PINK1: variants seen among roughly 807,000 people sequenced by gnomAD.
PINK1 encodes the protein serine/threonine-protein kinase PINK1, mitochondrial.
Under a neutral mutation model 56.0 loss-of-function variants are expected in PINK1, and 58 were observed. The observed-to-expected ratio is 1.04, with a 90% CI of 0.84 to 1.29. The LOEUF (loss-of-function observed/expected upper bound fraction) is 1.29. Among genes scored for constraint, PINK1 ranks in the 50% most tolerant of loss-of-function variants. PINK1 has a pLI of 0.00. For missense variants in PINK1, 745 were observed against 777.9 expected (o/e 0.96, Z 0.50); for synonymous variants, 354 against 339.3 (o/e 1.04, Z -0.48).
At position 20,638,074 on chromosome 1, in the gene PINK1, G is replaced by T; in HGVS notation, c.620G>T (p.Arg207Leu). ...GTSAPGEGQE[R>L]APGAPAFPLA... Reference sequence around the variant, plus strand: ...AGTGCACCAGGAGAAGGGCAGGAGCGAGCTCCGGGGGCCCCTGCCTTCCCC... The same window carrying T: ...AGTGCACCAGGAGAAGGGCAGGAGCTAGCTCCGGGGGCCCCTGCCTTCCCC... Residue 207 changes from arginine to leucine, a missense_variant, in exon 2 of 8, where the codon CGA becomes CTA. Coordinates refer to ENST00000321556, the MANE Select transcript of PINK1 (RefSeq NM_032409.3). 6.2e-7 allele frequency: 1 copy of T among 1,614,038 alleles called. No homozygotes were observed. The highest frequency in any genetic ancestry group is 8.5e-7 in the Non-Finnish European group (1 of 1,180,012).
chr1:20,634,912 T>C (rs1325080869), intron 1 of PINK1, among the ~76,000 whole-genome samples: 2 of 152,244 alleles, frequency 1.3e-5, no homozygotes, highest in Non-Finnish European at 2.9e-5. Context: ...CTGGGTTTCC[T>C]GGTTTCCATC....
chr1:20,638,005 T>C lies in PINK1; in HGVS notation c.551T>C (p.Val184Ala). Residue 184 changes from valine (V) to alanine (A), a missense_variant, in exon 2 of 8, where the codon GTG (valine) becomes GCG (alanine). By Grantham distance (64) the Val-to-Ala change is moderately conservative. Transcript: ENST00000321556. Reference protein sequence around the residue: ...TMPTLPQNLEVTKSTGLLPGR... With the variant: ...TMPTLPQNLEATKSTGLLPGR... Reference sequence around the variant, plus strand: ...CCTACATTGCCCCAGAACCTGGAGGTGACAAAGAGCACCGGGTTGCTTCCA... The same window carrying C: ...CCTACATTGCCCCAGAACCTGGAGGCGACAAAGAGCACCGGGTTGCTTCCA... 1 of 1,613,844 alleles carries C rather than the reference T, an allele frequency of 6.2e-7. No individual in the cohort carries two copies. The highest frequency in any genetic ancestry group is 8.5e-7 in the Non-Finnish European group (1 of 1,179,946).
At chr1:20,644,247 T>TGGGTGTACGGATGGAC (rs1553146409) in intron 3 of PINK1, among the ~76,000 whole-genome samples, 1 of 152,126 alleles carries the variant, frequency 6.6e-6, no homozygotes, top group Non-Finnish European at 1.5e-5. Context: ...ATAGGATGGA[T>TGGGTGTACGGATGGAC]GGGTGTACGG....
Position 20,649,095 on chromosome 1 carries a change from A to T in PINK1, c.1352A>T (p.Asn451Ile), listed in dbSNP as rs747400197. Residue 451 changes from asparagine to isoleucine, a missense_variant, in exon 7 of 8, where the codon AAT (asparagine) becomes ATT (isoleucine). By Grantham distance (149) the Asn-to-Ile change is moderately radical. Coordinates refer to ENST00000321556, the MANE Select transcript of PINK1 (RefSeq NM_032409.3). ...AIAYEIFGLV[N>I]PFYGQGKAHL... ...GCCTATGAAATCTTCGGGCTTGTCA[A>T]TCCCTTCTACGGCCAGGGCAAGGCC... 8.7e-6 allele frequency: 14 copies of T among 1,614,222 alleles called. No homozygotes were observed. The highest frequency in any genetic ancestry group is 1.1e-5 in the Non-Finnish European group (13 of 1,180,038).
At chr1:20,638,394 A>G in intron 2 of PINK1, 1 of 463,926 alleles carries the variant, frequency 2.2e-6, no homozygotes, top group Non-Finnish European at 4.0e-6. Flanking sequence ...TAATCCCAGC[A>G]CTTTGGGAGG....
chr1:20,650,911 C>T lies in PINK1; in HGVS notation c.*220C>T, dbSNP rs949757554. ...CTGAAAAGTGAATGGCCAAGCTGGT[C>T]TAGTAGATGAGGCTGGACTGAGGAG... On this transcript the variant is annotated 3_prime_UTR_variant, in exon 8 of 8. Coordinates refer to ENST00000321556, the MANE Select transcript of PINK1 (RefSeq NM_032409.3). The T allele has an allele frequency of 3.2e-6, 2 of 621,808 alleles. No homozygotes were observed. The highest frequency in any genetic ancestry group is 3.7e-5 in the African/African-American group (2 of 54,578). The allele number at this position is 621,808 out of a possible 1,614,324, so 38.5% of individuals were successfully genotyped here.
intron 3 of PINK1, among the ~76,000 whole-genome samples, chr1:20,642,058 G>A (rs945370795): frequency 6.6e-6 from 1 of 152,210 alleles, no homozygotes; most frequent in African/African-American, 2.4e-5. Context: ...TAGAACAGGG[G>A]CCACTCAGGT....
chr1:20,646,648 A>AAATT (rs56360729), intron 5 of PINK1, among the ~76,000 whole-genome samples: 57,787 of 150,856 alleles, frequency 0.38, 11,094 homozygotes, highest in Middle Eastern at 0.43. Flanking sequence ...ATCTCAAAAT[A>AAATT]AATTAATTAA....
At chr1:20,637,636 T>G (rs114063914) in intron 1 of PINK1, among the ~76,000 whole-genome samples, 322 of 152,220 alleles carry the variant, frequency 2.1e-3, no homozygotes, top group African/African-American at 7.6e-3. Flanking sequence ...GCAACAGAGT[T>G]TGAGAAAAAT....
chr1:20,647,660 G>A (rs138536161), intron 5 of PINK1, among the ~76,000 whole-genome samples: 2 of 150,944 alleles, frequency 1.3e-5, no homozygotes, highest in Admixed American at 6.6e-5. Flanking sequence ...TAGTAGAGAC[G>A]GGGTTTCACC....
intron 5 of PINK1, 39 bp downstream of exon 5, chr1:20,645,762 C>T (rs2053172555): frequency 6.2e-7 from 1 of 1,613,426 alleles, no homozygotes. Context: ...TCCAGGGGCA[C>T]TAGAGGGTGG....
chr1:20,650,693 G>A lies in PINK1; in HGVS notation c.*2G>A, dbSNP rs557733185. ...TGCTCATGGAGGGCAGCCCTGTGAT[G>A]TCCCTGCATGGAGCTGGTGAATTAC... On this transcript the variant is annotated 3_prime_UTR_variant, in exon 8 of 8. Coordinates refer to ENST00000321556, the MANE Select transcript of PINK1 (RefSeq NM_032409.3). 3 of 1,613,210 alleles carry A rather than the reference G, an allele frequency of 1.9e-6. No homozygotes were observed. Among genetic ancestry groups the A allele is most frequent in the East Asian group, 4.5e-5 (2 of 44,894 alleles).
In PINK1 at chr1:20,650,518, G is replaced by T; in HGVS notation, c.1573G>T (p.Asp525Tyr). 6.2e-7 allele frequency: 1 copy of T among 1,614,238 alleles called. No individual in the cohort carries two copies. The highest frequency in any genetic ancestry group is 8.5e-7 in the Non-Finnish European group (1 of 1,180,046). Residue 525 changes from aspartate to tyrosine, a missense_variant, in exon 8 of 8, where the codon GAC becomes TAC. Coordinates refer to ENST00000321556, the MANE Select transcript of PINK1 (RefSeq NM_032409.3). The stretch of plus-strand genomic sequence containing the variant: ...TCTAGCCCTGAAGAATCTGAAGTTA[G>T]ACAAGATGGTTGGCTGGCTCCTCCA... ...HILALKNLKL[D>Y]KMVGWLLQQS... is the part of the protein sequence containing the mutation.
chr1:20,634,872 G>A (rs765238963), intron 1 of PINK1, among the ~76,000 whole-genome samples: 27 of 152,206 alleles, frequency 1.8e-4, no homozygotes, highest in Non-Finnish European at 2.8e-4. Flanking sequence ...CTTGCCCAAG[G>A]ACACAGCTGT....
intron 7 of PINK1, 25 bp downstream of exon 7, chr1:20,649,256 G>A: frequency 6.2e-7 from 1 of 1,609,580 alleles, no homozygotes. Flanking sequence ...GGCTTCGAGG[G>A]GACGGTGTGG....
rs994768322 is a variant in PINK1 at position 20,651,479 on chromosome 1, C to T, written c.*788C>T. 6.6e-6 allele frequency: 1 copy of T among 152,392 alleles called. No homozygotes were observed. 9.4% of individuals were successfully genotyped at this position (152,392 alleles called of 1,614,324 possible). A position where few individuals can be genotyped will look rare whatever the true frequency, so the allele number is the denominator to read the frequency against. ...TTTAGGAAGCTATTGCCTAAATCAG[C>T]GTCAACATGCAGTAAAGGTTGTCTT... On this transcript the variant is annotated 3_prime_UTR_variant, in exon 8 of 8. Coordinates refer to ENST00000321556, the MANE Select transcript of PINK1 (RefSeq NM_032409.3).
At chr1:20,643,968 T>A (rs948229623) in intron 3 of PINK1, among the ~76,000 whole-genome samples, 1 of 101,956 alleles carries the variant, frequency 9.8e-6, no homozygotes, top group Non-Finnish European at 2.3e-5. Context: ...AGTAAAAAAT[T>A]AAAGATAACT....
At chr1:20,643,451 C>A (rs2053138686) in intron 3 of PINK1, among the ~76,000 whole-genome samples, 1 of 152,226 alleles carries the variant, frequency 6.6e-6, no homozygotes, top group Non-Finnish European at 1.5e-5. Context: ...GTTTATTACA[C>A]CCATATTCTA....
chr1:20,634,083 C>A (rs781710561), intron 1 of PINK1, 148 bp downstream of exon 1: 11 of 919,132 alleles, frequency 1.2e-5, no homozygotes, highest in Admixed American at 2.6e-5. Context: ...TCATCTATTT[C>A]ACCATTACTG....
Sources: allele counts gnomAD v4.1 joint callset (sites outside exome capture counted in the v4.1 genomes callset), GRCh38; gene constraint gnomAD v4.1.1; transcripts MANE v1.5; gene names NCBI Gene and HGNC (gene_info 2026-07-23, HGNC 2026-07-21).